Variants in PCMTD1 observed in about 807,000 individuals in gnomAD.
PCMTD1 encodes protein-L-isoaspartate (D-aspartate) O-methyltransferase domain containing 1.
A neutral mutation model predicts 37.6 loss-of-function variants in PCMTD1; 12 were observed. The observed-to-expected ratio is 0.32, with a 90% CI of 0.20 to 0.52. The LOEUF (loss-of-function observed/expected upper bound fraction) is 0.52. Ranked by LOEUF, PCMTD1 falls within the 20% of genes least tolerant of loss-of-function variation. The pLI is 0.97. For synonymous variants in PCMTD1, 117 were observed against 135.8 expected (o/e 0.86, Z 0.96); for missense variants, 235 against 421.3 (o/e 0.56, Z 3.87).
At chr8:51,854,900 C>T (rs996232454) in intron 2 of PCMTD1, among the ~76,000 whole-genome samples, 7 of 148,502 alleles carry the variant, frequency 4.7e-5, no homozygotes, top group African/African-American at 1.7e-4. Context: ...AAAGGCTAGG[C>T]GTGGTGGCTC....
At position 51,895,934 on chromosome 8, in the gene PCMTD1, A is replaced by ATTTTTTTTTTT. The variant is rs1563367741; in HGVS notation, c.-96+2995_-96+2996insAAAAAAAAAAA. Reference sequence around the variant, plus strand: ...CTTTATTAATGTTAGTATTTGTCCCATTTCTTTTTTTTTTTTTTTTTTTTT... The same window carrying ATTTTTTTTTTT: ...CTTTATTAATGTTAGTATTTGTCCCATTTTTTTTTTTTTTCTTTTTTTTTTTTTTTTTTTTT... On this transcript the variant is annotated intron_variant, in intron 1 of 5. Transcript: ENST00000522514. The ATTTTTTTTTTT allele has an allele frequency of 1.7e-5, 2 of 116,670 alleles. 1 individual carries two copies. The highest frequency in any genetic ancestry group is 3.4e-5 in the Non-Finnish European group (2 of 58,622). The allele number at this position is 116,670 out of a possible 1,614,324, so 7.2% of individuals were successfully genotyped here. A position where few individuals can be genotyped will look rare whatever the true frequency, so the allele number is the denominator to read the frequency against.
chr8:51,843,724 T>C (rs2038179562), intron 3 of PCMTD1, among the ~76,000 whole-genome samples: 1 of 152,182 alleles, frequency 6.6e-6, no homozygotes, highest in Non-Finnish European at 1.5e-5. Context: ...CAACATATTT[T>C]CCTGTTTCCC....
intron 2 of PCMTD1, chr8:51,849,731 T>C (rs775199308): frequency 8.6e-6 from 2 of 232,178 alleles, no homozygotes; most frequent in Non-Finnish European, 1.7e-5. Flanking sequence ...TCTAGTTCAT[T>C]TATCATTTAC....
intron 1 of PCMTD1, among the ~76,000 whole-genome samples, chr8:51,882,164 T>C (rs944529044): frequency 3.3e-5 from 5 of 152,232 alleles, no homozygotes; most frequent in African/African-American, 4.8e-5. Context: ...AATCACTTTC[T>C]GGTAAGGCCT....
At chr8:51,847,620 C>T in intron 2 of PCMTD1, among the ~76,000 whole-genome samples, 1 of 151,774 alleles carries the variant, frequency 6.6e-6, no homozygotes, top group East Asian at 1.9e-4. Flanking sequence ...GAGCAAGACT[C>T]TGTCTCAAAA....
chr8:51,881,552 G>C (rs2038792713), intron 1 of PCMTD1, among the ~76,000 whole-genome samples: 1 of 152,206 alleles, frequency 6.6e-6, no homozygotes, highest in Non-Finnish European at 1.5e-5. Context: ...GACAGGCAGA[G>C]TGTAGTAAGT....
chr8:51,844,349 T>C (rs2038188677), intron 3 of PCMTD1, among the ~76,000 whole-genome samples: 1 of 152,156 alleles, frequency 6.6e-6, no homozygotes, highest in Admixed American at 6.5e-5. Context: ...CTCAGTAAAT[T>C]AATGCAGAAA....
At chr8:51,881,123 C>T (rs2038785606) in intron 1 of PCMTD1, among the ~76,000 whole-genome samples, 1 of 152,188 alleles carries the variant, frequency 6.6e-6, no homozygotes, top group South Asian at 2.1e-4. Flanking sequence ...TACTCTCAAT[C>T]CTTCATTCTA....
intron 5 of PCMTD1, among the ~76,000 whole-genome samples, chr8:51,822,637 G>A (rs1384975426): frequency 6.6e-6 from 1 of 152,196 alleles, no homozygotes; most frequent in African/African-American, 2.4e-5. Context: ...CTGAATGCAG[G>A]TTTTGACTGC....
intron 1 of PCMTD1, among the ~76,000 whole-genome samples, chr8:51,875,879 C>A (rs2038704277): frequency 6.6e-6 from 1 of 152,168 alleles, no homozygotes; most frequent in Non-Finnish European, 1.5e-5. Flanking sequence ...CTGCAGTGAG[C>A]TATGACTGCA....
At chr8:51,833,995 A>AC (rs891338165) in intron 3 of PCMTD1, among the ~76,000 whole-genome samples, 2 of 152,060 alleles carry the variant, frequency 1.3e-5, no homozygotes, top group African/African-American at 4.8e-5. Flanking sequence ...ATATTGTGAC[A>AC]CCCCCCAAAA....
chr8:51,853,214 G>C (rs751057420), intron 2 of PCMTD1, among the ~76,000 whole-genome samples: 3 of 152,150 alleles, frequency 2.0e-5, no homozygotes, highest in Non-Finnish European at 4.4e-5. Flanking sequence ...GGTGTAGGAG[G>C]GTAGATGGAC....
chr8:51,845,508 C>T, intron 3 of PCMTD1, 153 bp downstream of exon 3: 1 of 532,632 alleles, frequency 1.9e-6, no homozygotes, highest in Non-Finnish European at 3.3e-6. Context: ...AGTTATACCA[C>T]AGAATAATCT....
At chr8:51,824,724 C>T (rs2037898247) in intron 5 of PCMTD1, among the ~76,000 whole-genome samples, 1 of 152,116 alleles carries the variant, frequency 6.6e-6, no homozygotes, top group Non-Finnish European at 1.5e-5. Context: ...ACCCAAAGAG[C>T]CTGCATAGCC....
At chr8:51,838,976 T>C (rs1327202539) in intron 3 of PCMTD1, among the ~76,000 whole-genome samples, 1 of 152,210 alleles carries the variant, frequency 6.6e-6, no homozygotes, top group Non-Finnish European at 1.5e-5. Flanking sequence ...TATGTGTTTA[T>C]AATTACTCGT....
chr8:51,886,772 T>C (rs1014408282), intron 1 of PCMTD1, among the ~76,000 whole-genome samples: 1 of 152,186 alleles, frequency 6.6e-6, no homozygotes, highest in Non-Finnish European at 1.5e-5. Context: ...TCATAGCAAA[T>C]TAGCATAAAC....
intron 1 of PCMTD1, among the ~76,000 whole-genome samples, chr8:51,876,089 C>T (rs2038709664): frequency 6.6e-6 from 1 of 150,472 alleles, no homozygotes; most frequent in African/African-American, 2.4e-5. Context: ...ATAGGTGTCG[C>T]TTCTATTACT....
chr8:51,853,395 A>G (rs1333773028), intron 2 of PCMTD1, among the ~76,000 whole-genome samples: 4 of 152,192 alleles, frequency 2.6e-5, no homozygotes, highest in African/African-American at 4.8e-5. Flanking sequence ...ATAGAAAAAC[A>G]AAGACAATTC....
chr8:51,870,175 C>T (rs1424158788), intron 1 of PCMTD1: 4 of 152,358 alleles, frequency 2.6e-5, no homozygotes, highest in African/African-American at 7.2e-5. Context: ...AAGCAGTCAA[C>T]TGCTCCTTGC....
Sources: gnomAD v4.1 joint callset for allele counts (sites outside exome capture counted in the v4.1 genomes callset) on GRCh38, gnomAD v4.1.1 for gene constraint, MANE v1.5 for transcripts, NCBI Gene and HGNC (gene_info 2026-07-23, HGNC 2026-07-21) for gene names.